STK32A: variants seen among roughly 807,000 people sequenced by gnomAD.
STK32A encodes the protein serine/threonine-protein kinase 32A.
STK32A carries 41 observed loss-of-function variants against 53.2 expected under a neutral mutation model. That is an observed-to-expected ratio of 0.77 (90% CI 0.60 to 1.00). The LOEUF is 1.00. Ranked by LOEUF, STK32A falls within the 50% of genes least tolerant of loss-of-function variation. The pLI is 0.00. For missense variants in STK32A, 458 were observed against 485.8 expected, an observed-to-expected ratio of 0.94 and a Z score of 0.54; for synonymous variants, 166 against 162.8, an observed-to-expected ratio of 1.02 and a Z score of -0.15.
intron 4 of STK32A, among the ~76,000 whole-genome samples, chr5:147,283,300 A>T (rs2151956979): frequency 6.6e-6 from 1 of 152,258 alleles, no homozygotes; most frequent in East Asian, 1.9e-4. Flanking sequence ...AGGCGGTGCT[A>T]AAAGCAAAGT....
chr5:147,382,925 G>T (rs1757508837), intron 11 of STK32A: 1 of 152,790 alleles, frequency 6.5e-6, no homozygotes, highest in African/African-American at 2.4e-5. Context: ...CAAGCATTTT[G>T]TTTGCACCTC....
At chr5:147,304,698 G>A (rs1753317136) in intron 4 of STK32A, among the ~76,000 whole-genome samples, 1 of 152,210 alleles carries the variant, frequency 6.6e-6, no homozygotes, top group African/African-American at 2.4e-5. Flanking sequence ...AACAAGCTAT[G>A]GGTAAGTCAG....
intron 4 of STK32A, among the ~76,000 whole-genome samples, chr5:147,305,820 GTAC>G (rs1753377563): frequency 6.6e-6 from 1 of 151,768 alleles, no homozygotes; most frequent in Non-Finnish European, 1.5e-5. Context: ...CTTTCGCAGA[GTAC>G]TACTATTAAC....
chr5:147,300,433 T>C (rs1353945763), intron 4 of STK32A, among the ~76,000 whole-genome samples: 2 of 152,224 alleles, frequency 1.3e-5, no homozygotes, highest in African/African-American at 4.8e-5. Flanking sequence ...TTGTCTTTCA[T>C]ATCCCACAAG....
intron 4 of STK32A, among the ~76,000 whole-genome samples, chr5:147,307,507 A>G (rs1263452841): frequency 6.6e-6 from 1 of 151,950 alleles, no homozygotes; most frequent in East Asian, 1.9e-4. Flanking sequence ...TGTAAATCCC[A>G]GCTACTTGGG....
chr5:147,262,588 AAAAAC>A (rs1219943996), intron 2 of STK32A, among the ~76,000 whole-genome samples: 1 of 85,114 alleles, frequency 1.2e-5, no homozygotes, highest in African/African-American at 4.0e-5. Flanking sequence ...CAGATCAGGA[AAAAAC>A]AAAACAAAAC....
chr5:147,387,980 G>A (rs1757717185), downstream of STK32A: 1 of 152,182 alleles, frequency 6.6e-6, no homozygotes, highest in Non-Finnish European at 1.5e-5. Context: ...TGTGAGGAAT[G>A]TCCCTTACCA....
At chr5:147,242,713 GT>G (rs1365183176) in intron 2 of STK32A, among the ~76,000 whole-genome samples, 7 of 152,218 alleles carry the variant, frequency 4.6e-5, no homozygotes, top group African/African-American at 1.7e-4. Context: ...ATGAGCACTA[GT>G]TTGCCAAAGA....
At chr5:147,323,443 A>C (rs1469861089) in intron 4 of STK32A, among the ~76,000 whole-genome samples, 1 of 152,140 alleles carries the variant, frequency 6.6e-6, no homozygotes, top group African/African-American at 2.4e-5. Context: ...GATCTGTTAT[A>C]ATGTTGCTGG....
chr5:147,257,264 A>G (rs1468981060), intron 2 of STK32A, among the ~76,000 whole-genome samples: 1 of 151,904 alleles, frequency 6.6e-6, no homozygotes, highest in Non-Finnish European at 1.5e-5. Context: ...GGCGGGGGGT[A>G]GGACTCTGGG....
At chr5:147,394,151 G>GAA in the STK32A span, 106 of 1,433,750 alleles carry the variant, frequency 7.4e-5, no homozygotes, top group East Asian at 1.3e-3. Context: ...TTCCCAGGGG[G>GAA]AAAAAAAAAA....
chr5:147,327,857 C>T (rs948244816), intron 5 of STK32A, among the ~76,000 whole-genome samples: 8 of 152,320 alleles, frequency 5.3e-5, no homozygotes, highest in South Asian at 2.1e-4. Flanking sequence ...GAGGGGAGCA[C>T]GGGACACCTA....
chr5:147,370,152 G>A (rs897436274), intron 8 of STK32A, among the ~76,000 whole-genome samples: 1 of 152,012 alleles, frequency 6.6e-6, no homozygotes, highest in African/African-American at 2.4e-5. Flanking sequence ...TAGCATTTGT[G>A]GGACTGGAGT....
At chr5:147,366,810 G>C (rs1412004951) in intron 8 of STK32A, among the ~76,000 whole-genome samples, 5 of 151,368 alleles carry the variant, frequency 3.3e-5, no homozygotes. Flanking sequence ...TCTATCTTCA[G>C]ATAGATAGAT....
At chr5:147,398,554 G>C in the STK32A span, among the ~76,000 whole-genome samples, 1 of 152,104 alleles carries the variant, frequency 6.6e-6, no homozygotes, top group Admixed American at 6.5e-5. Context: ...CAACAGTGTC[G>C]AGCCCGTTTC....
chr5:147,249,502 G>T (rs1174955495), intron 2 of STK32A, among the ~76,000 whole-genome samples: 1 of 152,098 alleles, frequency 6.6e-6, no homozygotes, highest in Non-Finnish European at 1.5e-5. Context: ...AGTTTTCTGG[G>T]GGGTGGGAGG....
intron 4 of STK32A, among the ~76,000 whole-genome samples, chr5:147,289,276 T>A (rs532100714): frequency 6.6e-6 from 1 of 152,336 alleles, no homozygotes; most frequent in South Asian, 2.1e-4. Context: ...GATTTATCTT[T>A]ACCACCCGAA....
At chr5:147,243,806 A>ATAGTT (rs112961848) in intron 2 of STK32A, among the ~76,000 whole-genome samples, 5 of 150,930 alleles carry the variant, frequency 3.3e-5, no homozygotes, top group African/African-American at 1.2e-4. Context: ...AAATTATACT[A>ATAGTT]TTGTTTTGCA....
At chr5:147,294,429 T>G (rs1323561630) in intron 4 of STK32A, among the ~76,000 whole-genome samples, 1 of 151,902 alleles carries the variant, frequency 6.6e-6, no homozygotes, top group Non-Finnish European at 1.5e-5. Context: ...GCCGGGCTAA[T>G]TTTTGTATTT....
Sources: gnomAD v4.1 joint callset for allele counts (sites outside exome capture counted in the v4.1 genomes callset) on GRCh38, gnomAD v4.1.1 for gene constraint, MANE v1.5 for transcripts, NCBI Gene and HGNC (gene_info 2026-07-23, HGNC 2026-07-21) for gene names.